ELAPOR1: variants seen among roughly 807,000 people sequenced by gnomAD.
The protein encoded by ELAPOR1 is endosome-lysosome associated apoptosis and autophagy regulator 1, also known as endosome/lysosome-associated apoptosis and autophagy regulator 1.
ELAPOR1 carries 77 observed loss-of-function variants against 119.7 expected under a neutral mutation model. That is an observed-to-expected ratio of 0.64 (90% CI 0.54 to 0.78). ELAPOR1 has a LOEUF of 0.78. ELAPOR1 is among the 30% of genes least tolerant of loss of function. The pLI, the probability that ELAPOR1 is intolerant of heterozygous loss-of-function variation, is 0.00. For missense variants in ELAPOR1, 1,115 were observed against 1,270.4 expected, an observed-to-expected ratio of 0.88 and a Z score of 1.86; for synonymous variants, 481 against 487.2, an observed-to-expected ratio of 0.99 and a Z score of 0.17.
chr1:109,136,303 C>T (rs1272552815), intron 1 of ELAPOR1, among the ~76,000 whole-genome samples: 5 of 152,106 alleles, frequency 3.3e-5, no homozygotes, highest in Non-Finnish European at 5.9e-5. Context: ...TGGACAGAGA[C>T]GAATGCACAG....
intron 7 of ELAPOR1, among the ~76,000 whole-genome samples, chr1:109,177,038 T>C: frequency 7.1e-6 from 1 of 140,920 alleles, no homozygotes; most frequent in South Asian, 2.3e-4. Flanking sequence ...ATCCGATTTC[T>C]CAATCTTTTC....
intron 1 of ELAPOR1, among the ~76,000 whole-genome samples, chr1:109,146,600 G>C (rs745657001): frequency 2.6e-4 from 39 of 152,206 alleles, no homozygotes; most frequent in Admixed American, 5.2e-4. Context: ...TTTTCTAAGA[G>C]AGAAATGTAA....
intron 7 of ELAPOR1, among the ~76,000 whole-genome samples, chr1:109,176,613 T>C (rs181259024): frequency 7.3e-5 from 11 of 149,746 alleles, no homozygotes; most frequent in African/African-American, 1.5e-4. Flanking sequence ...TTTCTTTTTT[T>C]TTTTTTTTTT....
intron 7 of ELAPOR1, among the ~76,000 whole-genome samples, chr1:109,178,838 G>A (rs570890916): frequency 7.9e-5 from 12 of 152,178 alleles, no homozygotes; most frequent in Admixed American, 2.6e-4. Context: ...GGTGGCGCAC[G>A]CCTGTAATCC....
rs1429697474 is a variant in ELAPOR1 at position 109,162,102 on chromosome 1, G to T, written c.274+88G>T. 2.8e-6 allele frequency: 4 copies of T among 1,431,164 alleles called. No homozygotes were observed. The East Asian group carries it at 9.4e-5, about 34-fold the overall frequency. 88.7% of individuals were successfully genotyped at this position (1,431,164 alleles called of 1,614,324 possible). A position where few individuals can be genotyped will look rare whatever the true frequency, so the allele number is the denominator to read the frequency against. ...CTGCCATCCAATCTGGGCCCTTCCTGGCAGAGCAGCTGCATTAAGGAATCA... is the reference window on the plus strand; with the variant it reads ...CTGCCATCCAATCTGGGCCCTTCCTTGCAGAGCAGCTGCATTAAGGAATCA... On this transcript the variant is annotated intron_variant, in intron 2 of 21. Transcript: ENST00000369939.
intron 1 of ELAPOR1, among the ~76,000 whole-genome samples, chr1:109,151,326 G>C (rs1336347329): frequency 6.6e-6 from 1 of 151,024 alleles, no homozygotes; most frequent in African/African-American, 2.4e-5. Context: ...GGGAGTGGGA[G>C]GAGGGAGGGA....
chr1:109,173,415 C>T, intron 5 of ELAPOR1, 59 bp from the exon 6 acceptor site: 2 of 1,426,558 alleles, frequency 1.4e-6, no homozygotes, highest in East Asian at 2.3e-5. Flanking sequence ...GAGGCTATAC[C>T]AACAGATTAG....
intron 1 of ELAPOR1, among the ~76,000 whole-genome samples, chr1:109,119,007 C>T (rs1044257603): frequency 6.6e-6 from 1 of 151,432 alleles, no homozygotes; most frequent in African/African-American, 2.4e-5. Flanking sequence ...AAGCAATTCT[C>T]CTGCCTCAGC....
At chr1:109,189,739 C>A in intron 11 of ELAPOR1, 57 bp downstream of exon 11, 4 of 1,367,736 alleles carry the variant, frequency 2.9e-6, no homozygotes, top group South Asian at 1.2e-5. Context: ...CCGAATCCCA[C>A]GTATTTTGGA....
Position 109,203,257 on chromosome 1 carries a change from C to T in ELAPOR1, c.*245C>T, listed in dbSNP as rs529098627. 2.4e-4 allele frequency: 115 copies of T among 488,890 alleles called. No homozygotes were observed. The highest frequency in any genetic ancestry group is 3.1e-4 in the Non-Finnish European group (84 of 274,506). 30.3% of individuals were successfully genotyped at this position (488,890 alleles called of 1,614,324 possible). ...ATGCCCTTGCTTGTATCTTGTTTCC[C>T]AAAATGGCCCATCCGCCAGAGCCAT... On this transcript the variant is annotated 3_prime_UTR_variant, in exon 22 of 22. Coordinates refer to ENST00000369939, the MANE Select transcript of ELAPOR1 (RefSeq NM_020775.5).
intron 7 of ELAPOR1, among the ~76,000 whole-genome samples, chr1:109,179,372 G>A (rs1652556032): frequency 7.3e-6 from 1 of 137,780 alleles, no homozygotes; most frequent in South Asian, 2.3e-4. Context: ...TCATGCCACT[G>A]CACTCCAGCC....
Position 109,171,994 on chromosome 1 carries a change from G to A in ELAPOR1, c.596G>A (p.Ser199Asn), listed in dbSNP as rs376219650. 398 of 1,614,044 alleles carry A rather than the reference G, an allele frequency of 2.5e-4. 1 individual carries two copies. The highest frequency in any genetic ancestry group is 3.2e-4 in the Non-Finnish European group (379 of 1,180,034). The stretch of plus-strand genomic sequence containing the variant: ...TTCGAATACTACTATCCAGACTCCA[G>A]CATCATCTTTGAGTTTTTCGTAAGC... ...VNFEYYYPDSSIIFEFFVQND... is the reference protein window; with the variant it reads ...VNFEYYYPDSNIIFEFFVQND... The change falls in exon 4 of 22, where the codon AGC (serine) becomes AAC (asparagine). Residue 199 changes from serine (S) to asparagine (N), a missense_variant. By Grantham distance (46) the Ser-to-Asn change is conservative. Coordinates refer to ENST00000369939, the MANE Select transcript of ELAPOR1 (RefSeq NM_020775.5).
Position 109,171,965 on chromosome 1 carries a change from T to A in ELAPOR1, c.567T>A (p.Val189=). The A allele has an allele frequency of 6.2e-7, 1 of 1,614,204 alleles. No individual in the cohort carries two copies. The part of the protein sequence containing the change: ...YAVNLKQSGT[V]NFEYYYPDSS... ...TCAACCTGAAGCAATCTGGCACCGT[T>A]AACTTCGAATACTACTATCCAGACT... The change falls in exon 4 of 22, where the codon GTT becomes GTA. Residue 189 remains valine (V), a synonymous_variant. Coordinates refer to ENST00000369939, the MANE Select transcript of ELAPOR1 (RefSeq NM_020775.5).
In ELAPOR1 at chr1:109,200,248, C is replaced by T. The variant is rs772947222; in HGVS notation, c.2807+11C>T. On this transcript the variant is annotated intron_variant, in intron 20 of 21. Transcript: ENST00000369939. ...GAAAAAGAATCAAAAGTACATGTTG[C>T]GGTATTGGAGTGTGGGGATGGACAG... The T allele has an allele frequency of 2.0e-5, 32 of 1,613,136 alleles. No individual in the cohort carries two copies. Among genetic ancestry groups the T allele is most frequent in the Admixed American group, 3.3e-5 (2 of 59,984 alleles).
intron 14 of ELAPOR1, among the ~76,000 whole-genome samples, chr1:109,193,378 G>C (rs1653572246): frequency 6.6e-6 from 1 of 152,132 alleles, no homozygotes; most frequent in East Asian, 1.9e-4. Flanking sequence ...AAAGCTGGGT[G>C]CAGTGGCTCA....
At chr1:109,166,030 C>T (rs954415414) in intron 3 of ELAPOR1, among the ~76,000 whole-genome samples, 2 of 152,070 alleles carry the variant, frequency 1.3e-5, no homozygotes, top group Non-Finnish European at 2.9e-5. Flanking sequence ...ATTCTCCTGC[C>T]TCAGCCTCCC....
intron 3 of ELAPOR1, among the ~76,000 whole-genome samples, chr1:109,167,788 T>C (rs964168188): frequency 2.6e-5 from 4 of 152,062 alleles, no homozygotes; most frequent in Non-Finnish European, 4.4e-5. Context: ...TTCTTATTTT[T>C]CTAGAGACAC....
At chr1:109,146,119 C>T (rs775755696) in intron 1 of ELAPOR1, among the ~76,000 whole-genome samples, 7 of 152,074 alleles carry the variant, frequency 4.6e-5, no homozygotes, top group African/African-American at 7.2e-5. Context: ...CGAGACCAGC[C>T]TGGGCAACAT....
rs1651460611 is a variant in ELAPOR1, at chr1:109,164,530, TATGAAGGACCAGTC to T, written c.310_323del (p.Lys104Ter). On this transcript the variant is annotated frameshift_variant, in exon 3 of 22. Transcript: ENST00000369939. LOFTEE classifies it high-confidence loss of function. The stretch of plus-strand genomic sequence containing the variant: ...CCTGCAACGCCGGGGAGTTTCTGGA[TATGAAGGACCAGTC>T]ATGTAAGCCATGCGCTGAGGGCCGC... The T allele has an allele frequency of 3.7e-6, 6 of 1,613,700 alleles. No homozygotes were observed. The highest frequency in any genetic ancestry group is 5.1e-6 in the Non-Finnish European group (6 of 1,179,684).
Sources: allele counts gnomAD v4.1 joint callset (sites outside exome capture counted in the v4.1 genomes callset), GRCh38; gene constraint gnomAD v4.1.1; transcripts MANE v1.5; gene names NCBI Gene and HGNC (gene_info 2026-07-23, HGNC 2026-07-21).